NDUFA10: variants seen among roughly 807,000 people sequenced by gnomAD.
NDUFA10 encodes the protein NADH:ubiquinone oxidoreductase subunit A10.
NDUFA10 carries 40 observed loss-of-function variants against 47.8 expected under a neutral mutation model. The observed-to-expected ratio is 0.84, with a 90% CI of 0.65 to 1.09. NDUFA10 has a LOEUF of 1.09. Among genes scored for constraint, NDUFA10 ranks in the 50% least tolerant of loss-of-function variants. NDUFA10 has a pLI of 0.00. For missense variants in NDUFA10, 413 were observed against 451.1 expected, an observed-to-expected ratio of 0.92 and a Z score of 0.76; for synonymous variants, 183 against 172.2, an observed-to-expected ratio of 1.06 and a Z score of -0.49.
Position 239,908,236 on chromosome 2 carries a change from G to A in NDUFA10, c.295-12922C>T, listed in dbSNP as rs549606583. ...CACAGGGTGGGGAACATCACACACC[G>A]GGGCCTGTTGTGGGGTGGGGGGAGA... On this transcript the variant is annotated intron_variant, in intron 4 of 5. Coordinates refer to the NDUFA10 transcript ENST00000419408. 2.5e-4 allele frequency among the ~76,000 whole-genome samples: 38 copies of A among 152,124 alleles called. No individual in the cohort carries two copies. In the East Asian group the frequency reaches 5.6e-3, roughly 23 times the overall value.
chr2:239,952,166 G>C (rs1453177625), intron 4 of NDUFA10, among the ~76,000 whole-genome samples: 2 of 152,064 alleles, frequency 1.3e-5, no homozygotes, highest in Admixed American at 1.3e-4. Flanking sequence ...CTGGAATGGG[G>C]GCTTGGTGGG....
intron 9 of NDUFA10, among the ~76,000 whole-genome samples, chr2:239,989,580 T>C (rs1185940569): frequency 1.3e-5 from 2 of 152,114 alleles, no homozygotes; most frequent in African/African-American, 4.8e-5. Context: ...AACAAATAAC[T>C]CACTAAGAAG....
At chr2:239,956,851 ACTGTGACTC>A (rs1352144326), downstream of NDUFA10, among the ~76,000 whole-genome samples, 1 of 151,924 alleles carries the variant, frequency 6.6e-6, no homozygotes. Context: ...TAATTCCCAC[ACTGTGACTC>A]CTGCCCCAGC....
chr2:240,014,489 G>A lies in NDUFA10; in HGVS notation c.669+250C>T, dbSNP rs1240524978. On this transcript the variant is annotated intron_variant, in intron 5 of 9. Coordinates refer to ENST00000252711, the MANE Select transcript of NDUFA10 (RefSeq NM_004544.4). The stretch of plus-strand genomic sequence containing the variant: ...AGCCTCCCAAGTTTAAACAGCTGAG[G>A]GGACTCGGGGACCACAGTGGGACCG... 3 of 520,440 alleles carry A rather than the reference G, an allele frequency of 5.8e-6. No homozygotes were observed. The East Asian group carries it at 1.1e-4, about 19-fold the overall frequency. The allele number at this position is 520,440 out of a possible 1,614,324, so 32.2% of individuals were successfully genotyped here. A position where few individuals can be genotyped will look rare whatever the true frequency, so the allele number is the denominator to read the frequency against.
At chr2:239,963,472 G>A (rs1694937911) in intron 9 of NDUFA10, among the ~76,000 whole-genome samples, 1 of 152,236 alleles carries the variant, frequency 6.6e-6, no homozygotes, top group South Asian at 2.1e-4. Context: ...TGTGACCTGT[G>A]TCAGACGGGC....
At chr2:239,955,231 G>C (rs925673452), downstream of NDUFA10, among the ~76,000 whole-genome samples, 7 of 152,254 alleles carry the variant, frequency 4.6e-5, no homozygotes, top group Admixed American at 3.9e-4. Flanking sequence ...ACACTGGGGC[G>C]GGGGGCGAGG....
At chr2:239,953,866 G>A (rs968557436), downstream of NDUFA10, among the ~76,000 whole-genome samples, 4 of 152,250 alleles carry the variant, frequency 2.6e-5, no homozygotes, top group East Asian at 1.9e-4. Flanking sequence ...ACACACTGGC[G>A]TCTCTCCAGG....
chr2:240,003,201 A>T (rs1423142719), intron 8 of NDUFA10, among the ~76,000 whole-genome samples: 3 of 152,342 alleles, frequency 2.0e-5, no homozygotes, highest in African/African-American at 7.2e-5. Context: ...ACTTTTAGTG[A>T]CATGTGCAGT....
intron 4 of NDUFA10, among the ~76,000 whole-genome samples, chr2:239,941,984 C>G (rs566097508): frequency 6.6e-6 from 1 of 152,122 alleles, no homozygotes; most frequent in Non-Finnish European, 1.5e-5. Flanking sequence ...ACAGTATGGA[C>G]CTTAGATTTT....
intron 9 of NDUFA10, among the ~76,000 whole-genome samples, chr2:239,966,423 C>A (rs1011763249): frequency 6.6e-6 from 1 of 152,158 alleles, no homozygotes; most frequent in Admixed American, 6.5e-5. Context: ...CACACTGCAG[C>A]CCAGCCTGCT....
At chr2:239,992,963 T>C (rs1696313002) in intron 8 of NDUFA10, among the ~76,000 whole-genome samples, 1 of 152,206 alleles carries the variant, frequency 6.6e-6, no homozygotes, top group Admixed American at 6.5e-5. Context: ...CTTGAGTCCC[T>C]CAATTGAGAA....
intron 4 of NDUFA10, among the ~76,000 whole-genome samples, chr2:239,940,858 C>T (rs898093833): frequency 6.6e-6 from 1 of 152,210 alleles, no homozygotes; most frequent in Non-Finnish European, 1.5e-5. Flanking sequence ...TTTTGTACTG[C>T]TATCAGTGAC....
downstream of NDUFA10, among the ~76,000 whole-genome samples, chr2:239,955,677 G>C (rs903152209): frequency 6.6e-6 from 1 of 152,196 alleles, no homozygotes; most frequent in Non-Finnish European, 1.5e-5. Context: ...GAGGACTGAG[G>C]GGGCCGCAGG....
intron 8 of NDUFA10, among the ~76,000 whole-genome samples, chr2:240,000,695 A>C (rs937872046): frequency 8.5e-5 from 13 of 152,220 alleles, no homozygotes; most frequent in African/African-American, 2.9e-4. Context: ...CTCACGGTAC[A>C]TGCCCCAGAC....
chr2:239,979,498 AAT>A (rs1695682346), intron 9 of NDUFA10, among the ~76,000 whole-genome samples: 1 of 152,144 alleles, frequency 6.6e-6, no homozygotes, highest in Non-Finnish European at 1.5e-5. Flanking sequence ...ATCCTTCAGC[AAT>A]AGTCTGCTTA....
chr2:240,014,679 T>G, intron 5 of NDUFA10, 60 bp downstream of exon 5: 1 of 1,611,300 alleles, frequency 6.2e-7, no homozygotes, highest in South Asian at 1.1e-5. Flanking sequence ...AAACAGGGCT[T>G]TTAGTGCTGA....
intron 9 of NDUFA10, chr2:239,982,094 C>T: frequency 1.2e-6 from 2 of 1,612,362 alleles, no homozygotes; most frequent in Non-Finnish European, 1.7e-6. Flanking sequence ...CTGCAGCAAA[C>T]CAGTGACCTG....
intron 4 of NDUFA10, among the ~76,000 whole-genome samples, chr2:239,898,400 T>C (rs964203311): frequency 2.0e-5 from 3 of 152,142 alleles, no homozygotes; most frequent in Non-Finnish European, 4.4e-5. Flanking sequence ...GTCAGGAAGG[T>C]GGCCCCGAGG....
At chr2:239,950,577 G>C (rs1694534582) in intron 4 of NDUFA10, among the ~76,000 whole-genome samples, 1 of 152,196 alleles carries the variant, frequency 6.6e-6, no homozygotes, top group African/African-American at 2.4e-5. Context: ...ACACGGATGA[G>C]AGCTCATTAT....
Sources: allele counts gnomAD v4.1 joint callset (sites outside exome capture counted in the v4.1 genomes callset), GRCh38; gene constraint gnomAD v4.1.1; transcripts MANE v1.5; gene names NCBI Gene and HGNC (gene_info 2026-07-23, HGNC 2026-07-21).